The following NOL4L variants were observed in gnomAD, a reference collection of about 807,000 sequenced individuals.
NOL4L encodes the protein nucleolar protein 4-like.
In NOL4L, 7 loss-of-function variants were observed where a neutral mutation model predicts 64.5. That is an observed-to-expected ratio of 0.11 (90% CI 0.06 to 0.20). The LOEUF (loss-of-function observed/expected upper bound fraction) is 0.20. Among genes scored for constraint, NOL4L ranks in the 10% least tolerant of loss-of-function variants. The pLI is 1.00. For missense variants in NOL4L, 680 were observed against 967.1 expected (o/e 0.70, Z 3.94); for synonymous variants, 413 against 401.0 (o/e 1.03, Z -0.36).
At position 32,447,189 on chromosome 20, in the gene NOL4L, G is replaced by A; in HGVS notation, c.*407C>T. 1 of 465,844 alleles carries A rather than the reference G, an allele frequency of 2.1e-6. No homozygotes were observed. Among genetic ancestry groups the A allele is most frequent in the Non-Finnish European group, 4.3e-6 (1 of 234,484 alleles). The allele number at this position is 465,844 out of a possible 1,614,324, so 28.9% of individuals were successfully genotyped here. ...AAATTACTAAGGGGAGAGGAAGAAA[G>A]GGTCCACTTTGCTTTTCTCAATAAA... On this transcript the variant is annotated 3_prime_UTR_variant, in exon 11 of 11. Transcript: ENST00000621426.
At chr20:32,502,865 A>C (rs2016981478) in intron 4 of NOL4L, among the ~76,000 whole-genome samples, 1 of 152,210 alleles carries the variant, frequency 6.6e-6, no homozygotes, top group Non-Finnish European at 1.5e-5. Flanking sequence ...AGCCGAGATC[A>C]CATCATTGCA....
At chr20:32,468,142 C>T (rs1255436368) in intron 5 of NOL4L, among the ~76,000 whole-genome samples, 3 of 152,168 alleles carry the variant, frequency 2.0e-5, no homozygotes, top group Non-Finnish European at 4.4e-5. Flanking sequence ...GATCGGCTAG[C>T]TCAAGACCAT....
At chr20:32,584,214 G>C (rs1369723355) in intron 1 of NOL4L, among the ~76,000 whole-genome samples, 1 of 149,944 alleles carries the variant, frequency 6.7e-6, no homozygotes, top group Admixed American at 6.6e-5. Flanking sequence ...GCCCGGGACA[G>C]GCAGCCCCGG....
intron 9 of NOL4L, 152 bp from the exon 10 acceptor site, chr20:32,452,589 C>G (rs966063965): frequency 2.4e-6 from 2 of 834,308 alleles, no homozygotes; most frequent in Non-Finnish European, 3.6e-6. Context: ...GTCCCCTCCC[C>G]CAGCCACCTT....
At chr20:32,519,033 C>T (rs1323026668) in intron 3 of NOL4L, among the ~76,000 whole-genome samples, 1 of 152,220 alleles carries the variant, frequency 6.6e-6, no homozygotes, top group African/African-American at 2.4e-5. Flanking sequence ...TCTGATTAAC[C>T]CCATTTCACA....
chr20:32,494,320 G>A (rs1171277320), intron 4 of NOL4L, among the ~76,000 whole-genome samples: 21 of 135,206 alleles, frequency 1.6e-4, no homozygotes, highest in African/African-American at 6.1e-4. Flanking sequence ...AATTACTTAA[G>A]CTCTCTAAAG....
intron 1 of NOL4L, among the ~76,000 whole-genome samples, chr20:32,529,392 G>A (rs1325365697): frequency 1.3e-5 from 2 of 152,180 alleles, no homozygotes; most frequent in South Asian, 2.1e-4. Context: ...GGCAACCCTC[G>A]GAGGTTGTTA....
At chr20:32,576,899 AGGGCACCATGAGCCAGG>A (rs1942812440) in intron 1 of NOL4L, among the ~76,000 whole-genome samples, 1 of 152,134 alleles carries the variant, frequency 6.6e-6, no homozygotes, top group South Asian at 2.1e-4. Context: ...TAAAGGCGAG[AGGGCACCATGAGCCAGG>A]GGTGGGTGGA....
At chr20:32,487,937 T>A (rs985536196) in intron 4 of NOL4L, among the ~76,000 whole-genome samples, 22 of 129,692 alleles carry the variant, frequency 1.7e-4, no homozygotes, top group Non-Finnish European at 2.8e-4. Flanking sequence ...TGGTTTTATT[T>A]TTTTTTTTTT....
intron 4 of NOL4L, among the ~76,000 whole-genome samples, chr20:32,509,433 A>G (rs1296861693): frequency 5.5e-5 from 8 of 145,716 alleles, no homozygotes; most frequent in Non-Finnish European, 1.0e-4. Context: ...CAGGAGAATC[A>G]CTTGAACCCA....
At chr20:32,518,421 G>A (rs186858333) in intron 3 of NOL4L, among the ~76,000 whole-genome samples, 3 of 152,356 alleles carry the variant, frequency 2.0e-5, no homozygotes, top group East Asian at 1.9e-4. Context: ...TGTGCTCCGC[G>A]TTGCCCTCCT....
chr20:32,516,630 G>A (rs2037406402), intron 3 of NOL4L, among the ~76,000 whole-genome samples: 2 of 152,180 alleles, frequency 1.3e-5, no homozygotes, highest in African/African-American at 2.4e-5. Context: ...TTGTGAGGTG[G>A]GTGCTCATAG....
chr20:32,452,854 G>C lies in NOL4L; in HGVS notation c.1620+30C>G, dbSNP rs557090276. Reference sequence around the variant, plus strand: ...CTGCCCTCCCTGGCTGCCCAGGAGCGGCCCCTGTAGTGGCTGCGGTGGCAG... The same window carrying C: ...CTGCCCTCCCTGGCTGCCCAGGAGCCGCCCCTGTAGTGGCTGCGGTGGCAG... On this transcript the variant is annotated intron_variant, in intron 9 of 10. Coordinates refer to ENST00000621426, the MANE Select transcript of NOL4L (RefSeq NM_001256798.2). 7 of 1,611,564 alleles carry C rather than the reference G, an allele frequency of 4.3e-6. No individual in the cohort carries two copies. The Admixed American group carries it at 8.3e-5, about 19-fold the overall frequency.
chr20:32,578,765 C>T (rs1402920141), intron 1 of NOL4L, among the ~76,000 whole-genome samples: 2 of 152,206 alleles, frequency 1.3e-5, no homozygotes, highest in African/African-American at 4.8e-5. Context: ...AGGCTACTTG[C>T]CCGTGGTCAT....
At chr20:32,520,496 G>C (rs1017091008) in intron 3 of NOL4L, among the ~76,000 whole-genome samples, 25 of 152,156 alleles carry the variant, frequency 1.6e-4, no homozygotes, top group African/African-American at 6.0e-4. Context: ...CTTTGAGAAC[G>C]GGGCAGGCTG....
intron 2 of NOL4L, 45 bp from the exon 3 acceptor site, chr20:32,520,967 G>A (rs772154024): frequency 8.8e-6 from 12 of 1,361,590 alleles, no homozygotes; most frequent in South Asian, 1.3e-5. Context: ...TCTGTGGGGA[G>A]GCAACTTGGC....
intron 4 of NOL4L, among the ~76,000 whole-genome samples, chr20:32,490,799 T>C (rs2016436016): frequency 6.6e-6 from 1 of 152,236 alleles, no homozygotes; most frequent in Non-Finnish European, 1.5e-5. Flanking sequence ...ATCAGTTAAT[T>C]CTGGTCATGT....
chr20:32,484,637 G>A (rs965915498), intron 4 of NOL4L, among the ~76,000 whole-genome samples: 7 of 152,062 alleles, frequency 4.6e-5, no homozygotes, highest in Middle Eastern at 3.4e-3. Context: ...ACCGGGCCGG[G>A]TCCTGACGGC....
At chr20:32,552,807 A>G (rs1312262040) in intron 1 of NOL4L, among the ~76,000 whole-genome samples, 2 of 152,218 alleles carry the variant, frequency 1.3e-5, no homozygotes, top group Non-Finnish European at 2.9e-5. Context: ...GTTCGAGACC[A>G]GCCTGGCCAA....
Sources: gnomAD v4.1 joint callset for allele counts (sites outside exome capture counted in the v4.1 genomes callset) on GRCh38, gnomAD v4.1.1 for gene constraint, MANE v1.5 for transcripts, NCBI Gene and HGNC (gene_info 2026-07-23, HGNC 2026-07-21) for gene names.